PLPPR5: variants seen among roughly 807,000 people sequenced by gnomAD.
PLPPR5 encodes the protein phospholipid phosphatase related 5.
A neutral mutation model predicts 33.9 loss-of-function variants in PLPPR5; 16 were observed. The ratio of observed to expected loss-of-function variants is 0.47; its 90% CI spans 0.32 to 0.72. The LOEUF (loss-of-function observed/expected upper bound fraction) is 0.72. Among genes scored for constraint, PLPPR5 ranks in the 30% least tolerant of loss-of-function variants. The pLI, the probability that PLPPR5 is intolerant of heterozygous loss-of-function variation, is 0.03. For missense variants in PLPPR5, 301 were observed against 406.7 expected, an observed-to-expected ratio of 0.74 and a Z score of 2.23; for synonymous variants, 163 against 150.3, an observed-to-expected ratio of 1.08 and a Z score of -0.62.
chr1:98,942,733 G>T (rs1423785890), intron 3 of PLPPR5, among the ~76,000 whole-genome samples: 1 of 152,148 alleles, frequency 6.6e-6, no homozygotes, highest in Non-Finnish European at 1.5e-5. Context: ...TCCAGGAAGT[G>T]GGCATTGCTG....
At chr1:98,977,355 A>G (rs1651899835) in intron 1 of PLPPR5, among the ~76,000 whole-genome samples, 1 of 151,852 alleles carries the variant, frequency 6.6e-6, no homozygotes. Context: ...ATTCCCATAT[A>G]TTCTGTAATA....
At chr1:98,916,934 C>T (rs1332187099) in intron 4 of PLPPR5, among the ~76,000 whole-genome samples, 2 of 152,084 alleles carry the variant, frequency 1.3e-5, no homozygotes, top group African/African-American at 2.4e-5. Context: ...TGAGTCTATA[C>T]ATTATCAGAC....
intron 3 of PLPPR5, among the ~76,000 whole-genome samples, chr1:98,925,555 TAA>T (rs1649723936): frequency 6.6e-6 from 1 of 152,232 alleles, no homozygotes; most frequent in Non-Finnish European, 1.5e-5. Context: ...TTGCTTTTAC[TAA>T]AATATAATCA....
chr1:98,928,057 C>A (rs1324937091), intron 3 of PLPPR5, among the ~76,000 whole-genome samples: 1 of 152,088 alleles, frequency 6.6e-6, no homozygotes, highest in Non-Finnish European at 1.5e-5. Context: ...ACTACTGAAG[C>A]TAAACACTTC....
At chr1:98,930,074 A>G (rs1570706958) in intron 3 of PLPPR5, among the ~76,000 whole-genome samples, 1 of 152,250 alleles carries the variant, frequency 6.6e-6, no homozygotes, top group African/African-American at 2.4e-5. Context: ...ACTAAAATCA[A>G]TATGTAAAAG....
chr1:98,967,935 T>C (rs542832593), intron 1 of PLPPR5, among the ~76,000 whole-genome samples: 1 of 152,208 alleles, frequency 6.6e-6, no homozygotes, highest in Admixed American at 6.5e-5. Flanking sequence ...AAAGTAAAAG[T>C]CCTGACACTA....
chr1:98,957,814 T>C (rs939116194), intron 1 of PLPPR5, among the ~76,000 whole-genome samples: 9 of 152,194 alleles, frequency 5.9e-5, no homozygotes, highest in African/African-American at 2.2e-4. Flanking sequence ...ACAAGTGAGT[T>C]GCCCAAGAAC....
intron 3 of PLPPR5, among the ~76,000 whole-genome samples, chr1:98,950,290 GATAA>G (rs887300949): frequency 3.6e-4 from 55 of 152,144 alleles, no homozygotes; most frequent in African/African-American, 1.2e-3. Flanking sequence ...AAATAATAAT[GATAA>G]ATAACTTTAA....
intron 1 of PLPPR5, among the ~76,000 whole-genome samples, chr1:98,971,462 A>G (rs191732681): frequency 6.6e-6 from 1 of 151,796 alleles, no homozygotes; most frequent in Non-Finnish European, 1.5e-5. Context: ...TTTTTATCTG[A>G]TTTCCCCTCC....
intron 3 of PLPPR5, among the ~76,000 whole-genome samples, chr1:98,933,482 CAAAAAA>C (rs66504258): frequency 3.4e-5 from 3 of 89,340 alleles, no homozygotes; most frequent in African/African-American, 1.2e-4. Flanking sequence ...GACTCCGTCT[CAAAAAA>C]AAAAAAAAAA....
At chr1:98,969,017 C>T (rs1245533248) in intron 1 of PLPPR5, among the ~76,000 whole-genome samples, 1 of 152,072 alleles carries the variant, frequency 6.6e-6, no homozygotes, top group African/African-American at 2.4e-5. Context: ...AGTTTCCTCC[C>T]AACTACTTTC....
At chr1:98,991,852 GA>G (rs1652461955) in intron 1 of PLPPR5, among the ~76,000 whole-genome samples, 2 of 152,010 alleles carry the variant, frequency 1.3e-5, no homozygotes, top group South Asian at 4.1e-4. Context: ...TAATGATACA[GA>G]GGCCCAAAAA....
chr1:98,975,333 T>C (rs1053429448), intron 1 of PLPPR5, among the ~76,000 whole-genome samples: 4 of 152,078 alleles, frequency 2.6e-5, no homozygotes, highest in Non-Finnish European at 5.9e-5. Context: ...GTGGTAACAC[T>C]TGTAAATTGG....
intron 4 of PLPPR5, among the ~76,000 whole-genome samples, chr1:98,921,398 G>A (rs886646760): frequency 6.6e-6 from 1 of 152,122 alleles, no homozygotes; most frequent in Non-Finnish European, 1.5e-5. Context: ...CTCAGGGAGA[G>A]TACAGCAGGG....
At chr1:98,956,815 A>G in intron 1 of PLPPR5, 74 bp from the exon 2 acceptor site, 1 of 1,191,094 alleles carries the variant, frequency 8.4e-7, no homozygotes. Flanking sequence ...TATTTTAAAA[A>G]TGTAAAATGG....
intron 1 of PLPPR5, among the ~76,000 whole-genome samples, chr1:98,963,381 C>G (rs1651316282): frequency 6.6e-6 from 1 of 152,206 alleles, no homozygotes; most frequent in African/African-American, 2.4e-5. Flanking sequence ...GAGAGCCTCT[C>G]TGAGGTAAGG....
chr1:98,990,631 A>AC (rs1652420185), intron 1 of PLPPR5, among the ~76,000 whole-genome samples: 1 of 152,168 alleles, frequency 6.6e-6, no homozygotes, highest in African/African-American at 2.4e-5. Flanking sequence ...TTGATTAAAC[A>AC]AAAAATGAAA....
chr1:98,957,211 A>G (rs309066), intron 1 of PLPPR5, among the ~76,000 whole-genome samples: 27,834 of 146,430 alleles, frequency 0.19, 2,961 homozygotes, highest in African/African-American at 0.26. Flanking sequence ...GGGGAGGGAT[A>G]GCATTGGGAG....
chr1:98,906,694 G>A (rs1337090739), intron 5 of PLPPR5, among the ~76,000 whole-genome samples: 1 of 152,080 alleles, frequency 6.6e-6, no homozygotes, highest in African/African-American at 2.4e-5. Context: ...GGAATTTATA[G>A]GGTTCTTTCT....
Sources: allele counts gnomAD v4.1 joint callset (sites outside exome capture counted in the v4.1 genomes callset), GRCh38; gene constraint gnomAD v4.1.1; transcripts MANE v1.5; gene names NCBI Gene and HGNC (gene_info 2026-07-23, HGNC 2026-07-21).